INO80: variants seen among roughly 807,000 people sequenced by gnomAD.
INO80 encodes the protein chromatin-remodeling ATPase INO80.
Under a neutral mutation model 203.4 loss-of-function variants are expected in INO80, and 20 were observed. That is an observed-to-expected ratio of 0.10 (90% CI 0.07 to 0.14). INO80 has a LOEUF of 0.14. INO80 is among the 10% of genes least tolerant of loss of function. The probability of loss-of-function intolerance (pLI) is 1.00; values close to 1 mark genes in which losing one functional copy is unlikely to be tolerated. For synonymous variants in INO80, 726 were observed against 685.2 expected, an observed-to-expected ratio of 1.06 and a Z score of -0.93; for missense variants, 1,419 against 1,914.4, an observed-to-expected ratio of 0.74 and a Z score of 4.83.
intron 24 of INO80, among the ~76,000 whole-genome samples, chr15:41,031,578 GAA>G (rs2044469164): frequency 2.1e-4 from 1 of 4,664 alleles, no homozygotes; most frequent in African/African-American, 4.3e-4. Flanking sequence ...AGGAAGGGAG[GAA>G]GGGAGGAAGG....
rs767652847 is a variant in INO80 at position 41,020,967 on chromosome 15, G to A, written c.3207C>T (p.Phe1069=). 2.5e-6 allele frequency: 4 copies of A among 1,614,134 alleles called. No homozygotes were observed. Among genetic ancestry groups the A allele is most frequent in the Admixed American group, 1.7e-5 (1 of 60,020 alleles). Reference sequence around the variant, plus strand: ...TCCACAGACCTCCAGCTGGCTCTGGGAAGAACTGTGATCGTCTATTTAGCC... The same window carrying A: ...TCCACAGACCTCCAGCTGGCTCTGGAAAGAACTGTGATCGTCTATTTAGCC... ...ADWLNRRSQF[F]PEPAGGLWSI... The change falls in exon 26 of 36, where the codon TTC becomes TTT. Residue 1069 remains phenylalanine, a synonymous_variant. Transcript: ENST00000648947.
chr15:41,044,386 T>C (rs1395554850), intron 24 of INO80, among the ~76,000 whole-genome samples: 1 of 152,212 alleles, frequency 6.6e-6, no homozygotes, highest in African/African-American at 2.4e-5. Flanking sequence ...GAATGCTATA[T>C]ATGACATGGA....
chr15:41,050,233 T>A, intron 19 of INO80, 131 bp from the exon 20 acceptor site: 1 of 603,540 alleles, frequency 1.7e-6, no homozygotes, highest in Non-Finnish European at 2.9e-6. Context: ...AGTATCTCTA[T>A]AAACCTGTGA....
In INO80 at chr15:41,085,559, T is replaced by C. The variant is rs751573247; in HGVS notation, c.683A>G (p.Lys228Arg). ...LKAKLKKVKK[K>R]RRRDEELSSE... ...GGAAAGTTCTTCATCTCTTCGTCTT[T>C]TTTTCTTCACTTTTTTCAACTTAGC... Residue 228 changes from lysine to arginine, a missense_variant, in exon 7 of 36, where the codon AAA (lysine) becomes AGA (arginine). By Grantham distance (26) the Lys-to-Arg change is conservative. Transcript: ENST00000648947. 5.6e-6 allele frequency: 9 copies of C among 1,613,942 alleles called. No individual in the cohort carries two copies. Among genetic ancestry groups the C allele is most frequent in the African/African-American group, 1.3e-5 (1 of 74,880 alleles).
rs566395992 is a variant in INO80, at chr15:41,028,855, A to C, written c.2908-1119T>G. On this transcript the variant is annotated intron_variant, in intron 24 of 35. Coordinates refer to ENST00000648947, the MANE Select transcript of INO80 (RefSeq NM_017553.3). Reference sequence around the variant, plus strand: ...GGGTGAAAGAGTGAAATTCCGTCCCAAAAAAAAAAAGTATTTTAACAGACT... The same window carrying C: ...GGGTGAAAGAGTGAAATTCCGTCCCCAAAAAAAAAAGTATTTTAACAGACT... Among the ~76,000 whole-genome samples, 204 of 146,070 alleles carry C rather than the reference A, an allele frequency of 1.4e-3. 1 individual carries two copies. Among genetic ancestry groups the C allele is most frequent in the Non-Finnish European group, 1.4e-3 (92 of 66,250 alleles).
intron 25 of INO80, among the ~76,000 whole-genome samples, chr15:41,024,276 G>C (rs995626921): frequency 3.9e-5 from 6 of 152,172 alleles, no homozygotes; most frequent in African/African-American, 9.7e-5. Context: ...TTGTAAGTAT[G>C]TAAGCAATGT....
chr15:41,031,547 GAGGGAGGAAGGGAGGA>G (rs1299523333), intron 24 of INO80, among the ~76,000 whole-genome samples: 1 of 5,164 alleles, frequency 1.9e-4, no homozygotes, highest in African/African-American at 4.6e-4. Flanking sequence ...AGGAAGGGAG[GAGGGAGGAAGGGAGGA>G]AGGGAGGAAG....
chr15:40,987,299 T>C, intron 30 of INO80, 106 bp from the exon 31 acceptor site: 1 of 629,620 alleles, frequency 1.6e-6, no homozygotes. Flanking sequence ...AGGGGAGGCC[T>C]CTGGTTTCCT....
intron 31 of INO80, among the ~76,000 whole-genome samples, chr15:40,986,316 CTTTTTT>C (rs551165963): frequency 4.4e-5 from 4 of 90,672 alleles, no homozygotes; most frequent in Non-Finnish European, 9.0e-5. Flanking sequence ...CTCCACAATG[CTTTTTT>C]TTTTTTTTTT....
intron 7 of INO80, among the ~76,000 whole-genome samples, chr15:41,084,011 G>A (rs2045523404): frequency 6.6e-6 from 1 of 151,832 alleles, no homozygotes; most frequent in Admixed American, 6.6e-5. Flanking sequence ...TTCATCACAT[G>A]GACTTTAGTA....
At chr15:41,035,379 A>G (rs1205576807) in intron 24 of INO80, among the ~76,000 whole-genome samples, 1 of 152,032 alleles carries the variant, frequency 6.6e-6, no homozygotes, top group African/African-American at 2.4e-5. Flanking sequence ...TCCAAAAATT[A>G]GCTGGGTGTA....
chr15:41,070,210 C>G lies in INO80; in HGVS notation c.1686+257G>C, dbSNP rs548393793. The stretch of plus-strand genomic sequence containing the variant: ...GGTGTTCTGATCTAACTATATGGCC[C>G]TTGCCACTACACTGGTGGTAATTAA... On this transcript the variant is annotated intron_variant, in intron 13 of 35. Coordinates refer to ENST00000648947, the MANE Select transcript of INO80 (RefSeq NM_017553.3). Among the ~76,000 whole-genome samples the G allele has an allele frequency of 4.6e-5, 7 of 152,296 alleles. No homozygotes were observed. The South Asian group carries it at 1.5e-3, about 32-fold the overall frequency.
chr15:41,109,513 G>C (rs1260994220), intron 1 of INO80, among the ~76,000 whole-genome samples: 1 of 152,078 alleles, frequency 6.6e-6, no homozygotes, highest in Admixed American at 6.6e-5. Context: ...GTCTGGCCAG[G>C]CACAGTGGCT....
chr15:41,023,169 C>A, intron 25 of INO80: 1 of 374,566 alleles, frequency 2.7e-6, no homozygotes, highest in South Asian at 1.9e-5. Flanking sequence ...TTCATTTTTC[C>A]CACTAATACA....
intron 1 of INO80, among the ~76,000 whole-genome samples, chr15:41,104,094 G>A (rs141936917): frequency 0.033 from 4,929 of 150,800 alleles, 210 homozygotes; most frequent in African/African-American, 0.095. Context: ...GGTGGTGCAT[G>A]CCTGTAATCC....
intron 17 of INO80, among the ~76,000 whole-genome samples, chr15:41,055,613 C>T (rs138588315): frequency 6.6e-6 from 1 of 152,284 alleles, no homozygotes; most frequent in East Asian, 1.9e-4. Flanking sequence ...AGTTTCAAAG[C>T]GCAAGTCATG....
chr15:41,058,908 G>A, intron 15 of INO80, 127 bp from the exon 16 acceptor site: 1 of 825,328 alleles, frequency 1.2e-6, no homozygotes, highest in Non-Finnish European at 1.9e-6. Flanking sequence ...TCTCCCATAT[G>A]GTAGGGAGAT....
At chr15:40,987,634 T>C (rs2043757995) in intron 30 of INO80, among the ~76,000 whole-genome samples, 182 bp downstream of exon 30, 2 of 152,220 alleles carry the variant, frequency 1.3e-5, no homozygotes, top group East Asian at 3.8e-4. Flanking sequence ...GAATGAGGCA[T>C]GGCCAGGGAA....
intron 27 of INO80, among the ~76,000 whole-genome samples, chr15:41,008,437 G>A (rs2044083427): frequency 6.6e-6 from 1 of 152,046 alleles, no homozygotes; most frequent in East Asian, 1.9e-4. Context: ...GGGGAAATGG[G>A]GAGATGTTGG....
Sources: gnomAD v4.1 joint callset for allele counts (sites outside exome capture counted in the v4.1 genomes callset) on GRCh38, gnomAD v4.1.1 for gene constraint, MANE v1.5 for transcripts, NCBI Gene and HGNC (gene_info 2026-07-23, HGNC 2026-07-21) for gene names.